FHOD3: variants seen among roughly 807,000 people sequenced by gnomAD.
FHOD3 encodes the protein FH1/FH2 domain-containing protein 3.
In FHOD3, 90 loss-of-function variants were observed where a neutral mutation model predicts 173.0. That is an observed-to-expected ratio of 0.52 (90% CI 0.44 to 0.62). The LOEUF (loss-of-function observed/expected upper bound fraction) is 0.62, where lower values mean the gene tolerates loss of function less well. FHOD3 is among the 20% of genes least tolerant of loss of function. The pLI, the probability that FHOD3 is intolerant of heterozygous loss-of-function variation, is 0.00. For missense variants in FHOD3, 1,945 were observed against 2,034.7 expected (o/e 0.96, Z 0.85); for synonymous variants, 828 against 823.0 (o/e 1.01, Z -0.10).
At chr18:36,691,994 G>A (rs1600262443) in intron 16 of FHOD3, among the ~76,000 whole-genome samples, 1 of 152,214 alleles carries the variant, frequency 6.6e-6, no homozygotes, top group South Asian at 2.1e-4. Context: ...CTACATATCC[G>A]ACATGAGTTC....
In FHOD3 at chr18:36,625,511, G is replaced by T. The variant is rs571359036; in HGVS notation, c.958G>T (p.Val320Leu). 2.0e-5 allele frequency: 29 copies of T among 1,417,040 alleles called. 1 individual carries two copies. The East Asian group carries it at 7.4e-4, about 36-fold the overall frequency. 87.8% of individuals were successfully genotyped at this position (1,417,040 alleles called of 1,614,324 possible). A position where few individuals can be genotyped will look rare whatever the true frequency, so the allele number is the denominator to read the frequency against. Residue 320 changes from valine (V) to leucine (L), a missense_variant and splice_region_variant, in exon 10 of 29, where the codon GTG becomes TTG. By Grantham distance (32) the Val-to-Leu change is conservative. Transcript: ENST00000590592. ...DLVEQLNIYEVALRHEDGDET... is the reference protein window; with the variant it reads ...DLVEQLNIYELALRHEDGDET... ...CACTGGGCGTGCTCTGCTTTTCCAGGTGGCGCTCAGGCACGAGGATGGCGA... is the reference window on the plus strand; with the variant it reads ...CACTGGGCGTGCTCTGCTTTTCCAGTTGGCGCTCAGGCACGAGGATGGCGA...
At chr18:36,631,309 T>G (rs931108065) in intron 10 of FHOD3, among the ~76,000 whole-genome samples, 1 of 152,204 alleles carries the variant, frequency 6.6e-6, no homozygotes, top group African/African-American at 2.4e-5. Context: ...TATTGAAGCA[T>G]GGGAGGGCAA....
intron 14 of FHOD3, among the ~76,000 whole-genome samples, chr18:36,663,998 C>T (rs532368861): frequency 6.6e-6 from 1 of 152,188 alleles, no homozygotes; most frequent in South Asian, 2.1e-4. Flanking sequence ...TTTTGAATGA[C>T]TGTGTTTTGT....
intron 3 of FHOD3, among the ~76,000 whole-genome samples, chr18:36,409,520 T>A (rs962588145): frequency 2.6e-5 from 4 of 152,182 alleles, no homozygotes; most frequent in Admixed American, 6.5e-5. Flanking sequence ...CTTCCCGTGT[T>A]ATTGTTGATT....
chr18:36,559,255 C>T (rs142539410), intron 5 of FHOD3, among the ~76,000 whole-genome samples: 185 of 152,254 alleles, frequency 1.2e-3, no homozygotes, highest in African/African-American at 3.9e-3. Flanking sequence ...TATTGAAAGA[C>T]GACCCACAAC....
chr18:36,390,210 A>G (rs2048230329), intron 3 of FHOD3, among the ~76,000 whole-genome samples: 1 of 152,144 alleles, frequency 6.6e-6, no homozygotes, highest in African/African-American at 2.4e-5. Flanking sequence ...AGCTGGGTCC[A>G]GAGGTGATAG....
intron 17 of FHOD3, among the ~76,000 whole-genome samples, chr18:36,695,360 A>T (rs577783617): frequency 4.5e-4 from 69 of 152,196 alleles, no homozygotes; most frequent in African/African-American, 1.6e-3. Flanking sequence ...AAATAAAAAA[A>T]AAAAAAAAGA....
At chr18:36,727,246 A>G (rs1380154382) in intron 19 of FHOD3, among the ~76,000 whole-genome samples, 1 of 152,144 alleles carries the variant, frequency 6.6e-6, no homozygotes, top group African/African-American at 2.4e-5. Flanking sequence ...GGACAATTCA[A>G]ATGGATCAGA....
intron 5 of FHOD3, among the ~76,000 whole-genome samples, chr18:36,523,620 A>G (rs2056378751): frequency 6.6e-6 from 1 of 152,318 alleles, no homozygotes; most frequent in South Asian, 2.1e-4. Flanking sequence ...TTGATTTCAA[A>G]CAGGTGTGTG....
chr18:36,596,364 T>C (rs2030413458), intron 7 of FHOD3, among the ~76,000 whole-genome samples: 1 of 137,978 alleles, frequency 7.2e-6, no homozygotes, highest in East Asian at 2.2e-4. Context: ...TTAGTATTTT[T>C]AGTAGAGACA....
chr18:36,699,862 C>T (rs2039485291), intron 17 of FHOD3, among the ~76,000 whole-genome samples: 1 of 152,164 alleles, frequency 6.6e-6, no homozygotes, highest in Non-Finnish European at 1.5e-5. Flanking sequence ...TTTGTAACTT[C>T]TGTGAGAAGG....
intron 5 of FHOD3, among the ~76,000 whole-genome samples, chr18:36,566,525 G>A (rs990494222): frequency 6.6e-6 from 1 of 152,226 alleles, no homozygotes; most frequent in Non-Finnish European, 1.5e-5. Flanking sequence ...TTGGCTGGAG[G>A]TGTAGTGGGG....
At chr18:36,643,597 G>C (rs2035484550) in intron 10 of FHOD3, among the ~76,000 whole-genome samples, 2 of 152,104 alleles carry the variant, frequency 1.3e-5, no homozygotes, top group Non-Finnish European at 2.9e-5. Flanking sequence ...TAGTTGACTT[G>C]CATTCTTTTC....
chr18:36,636,998 A>G (rs1460340009), intron 10 of FHOD3, among the ~76,000 whole-genome samples: 1 of 152,036 alleles, frequency 6.6e-6, no homozygotes, highest in Non-Finnish European at 1.5e-5. Flanking sequence ...AAAAACAACT[A>G]TGAAGTACCT....
intron 10 of FHOD3, among the ~76,000 whole-genome samples, chr18:36,625,957 C>T (rs1325233203): frequency 6.6e-6 from 1 of 152,182 alleles, no homozygotes; most frequent in African/African-American, 2.4e-5. Flanking sequence ...CAGACTTCAT[C>T]TTACTAATCC....
intron 15 of FHOD3, among the ~76,000 whole-genome samples, chr18:36,686,412 A>G (rs960448928): frequency 6.7e-6 from 1 of 148,936 alleles, no homozygotes; most frequent in Non-Finnish European, 1.5e-5. Flanking sequence ...GTGAGAACAC[A>G]TGGACATAGG....
At chr18:36,451,221 T>C (rs1015866824) in intron 3 of FHOD3, among the ~76,000 whole-genome samples, 5 of 152,220 alleles carry the variant, frequency 3.3e-5, no homozygotes, top group Non-Finnish European at 5.9e-5. Flanking sequence ...CTAATGAACA[T>C]TTCATGGCTC....
rs2187034 is a variant in FHOD3, at chr18:36,687,419, A to G, written c.2021+241A>G. 0.025 allele frequency among the ~76,000 whole-genome samples: 3,845 copies of G among 152,310 alleles called. 166 individuals are homozygous for G. Among genetic ancestry groups the G allele is most frequent in the African/African-American group, 0.088 (3,647 of 41,556 alleles). On this transcript the variant is annotated intron_variant, in intron 16 of 28. Coordinates refer to ENST00000590592, the MANE Select transcript of FHOD3 (RefSeq NM_001281740.3). Reference sequence around the variant, plus strand: ...TTCAAATGAGCACGTTTATGTTAGCATAATGACATAGGGCATATATTTGAA... The same window carrying G: ...TTCAAATGAGCACGTTTATGTTAGCGTAATGACATAGGGCATATATTTGAA...
intron 5 of FHOD3, among the ~76,000 whole-genome samples, chr18:36,537,238 A>T (rs1361779640): frequency 6.6e-6 from 1 of 152,224 alleles, no homozygotes; most frequent in Non-Finnish European, 1.5e-5. Context: ...CTTTGCAGAC[A>T]TCCTGTCACT....
Sources: gnomAD v4.1 joint callset for allele counts (sites outside exome capture counted in the v4.1 genomes callset) on GRCh38, gnomAD v4.1.1 for gene constraint, MANE v1.5 for transcripts, NCBI Gene and HGNC (gene_info 2026-07-23, HGNC 2026-07-21) for gene names.